PRKDC: variants seen among roughly 807,000 people sequenced by gnomAD.
PRKDC encodes protein kinase, DNA-activated, catalytic subunit, also known as DNA-dependent protein kinase catalytic subunit.
A neutral mutation model predicts 486.9 loss-of-function variants in PRKDC; 82 were observed. The observed-to-expected ratio is 0.17, with a 90% CI of 0.14 to 0.20. The LOEUF is 0.20. PRKDC is among the 10% of genes least tolerant of loss of function. PRKDC has a pLI of 1.00. For missense variants in PRKDC, 4,504 were observed against 5,038.2 expected, an observed-to-expected ratio of 0.89 and a Z score of 3.21; for synonymous variants, 1,895 against 1,837.0, an observed-to-expected ratio of 1.03 and a Z score of -0.81.
At chr8:47,957,698 T>C (rs1189978971) in intron 1 of PRKDC, among the ~76,000 whole-genome samples, 1 of 152,102 alleles carries the variant, frequency 6.6e-6, no homozygotes, top group Non-Finnish European at 1.5e-5. Flanking sequence ...GTATTTTTAG[T>C]AGAGACGGGG....
At chr8:47,894,684 C>T (rs1472914722) in intron 30 of PRKDC, among the ~76,000 whole-genome samples, 5 of 152,312 alleles carry the variant, frequency 3.3e-5, no homozygotes, top group Non-Finnish European at 5.9e-5. Context: ...AACCCTGCAC[C>T]TGTCGTCAAG....
chr8:47,933,862 T>A, intron 15 of PRKDC, 103 bp downstream of exon 15: 2 of 1,272,726 alleles, frequency 1.6e-6, no homozygotes, highest in Non-Finnish European at 2.1e-6. Context: ...TTTAAACTTT[T>A]GAAAGTTAGT....
chr8:47,887,814 T>C (rs2089370525), intron 34 of PRKDC, 109 bp from the exon 35 acceptor site: 8 of 1,126,022 alleles, frequency 7.1e-6, no homozygotes, highest in Non-Finnish European at 9.8e-6. Flanking sequence ...CACTGACAAC[T>C]ACCTTCCAAT....
chr8:47,927,886 G>A lies in PRKDC; in HGVS notation c.2144C>T (p.Ala715Val). Residue 715 changes from alanine (A) to valine (V), a missense_variant, in exon 20 of 86, where the codon GCA becomes GTA. Coordinates refer to ENST00000314191, the MANE Select transcript of PRKDC (RefSeq NM_006904.7). ...ALFVKFGKEV[A>V]VKMKQYKDEL... ...ATCTTTGTACTGCTTCATTTTAACT[G>A]CCACCTTAACAAGAAAGAAGACAGT... is the stretch of plus-strand genomic sequence containing the variant. 6.4e-7 allele frequency: 1 copy of A among 1,562,182 alleles called. No homozygotes were observed. Among genetic ancestry groups the A allele is most frequent in the Non-Finnish European group, 8.6e-7 (1 of 1,157,226 alleles).
intron 54 of PRKDC, among the ~76,000 whole-genome samples, chr8:47,843,073 G>T (rs1471840872): frequency 2.0e-5 from 3 of 152,178 alleles, no homozygotes; most frequent in African/African-American, 7.2e-5. Flanking sequence ...ACTGAGATGG[G>T]AGGATCACCT....
At position 47,782,021 on chromosome 8, in the gene PRKDC, C is replaced by G. The variant is rs1454523030; in HGVS notation, c.11489+141G>C. 2 of 642,438 alleles carry G rather than the reference C, an allele frequency of 3.1e-6. No individual in the cohort carries two copies. The highest frequency in any genetic ancestry group is 3.7e-5 in the African/African-American group (2 of 54,722). 39.8% of individuals were successfully genotyped at this position (642,438 alleles called of 1,614,324 possible). A position where few individuals can be genotyped will look rare whatever the true frequency, so the allele number is the denominator to read the frequency against. ...CAACTACTGGTTAGCAGCCAGCACT[C>G]CATTTGGTTTATTGACCCAGCCAGC... On this transcript the variant is annotated intron_variant, in intron 80 of 85. Coordinates refer to ENST00000314191, the MANE Select transcript of PRKDC (RefSeq NM_006904.7). The surrounding 1 kb of genome is among the most constrained non-coding windows in gnomAD (Gnocchi z 4.9).
intron 46 of PRKDC, among the ~76,000 whole-genome samples, chr8:47,859,376 G>T (rs758219021): frequency 2.0e-5 from 3 of 152,154 alleles, no homozygotes; most frequent in Admixed American, 6.5e-5. Context: ...TCAGGTCAGA[G>T]CATCTTTGCT....
chr8:47,803,856 T>C (rs921465839), intron 69 of PRKDC, among the ~76,000 whole-genome samples: 3 of 150,206 alleles, frequency 2.0e-5, no homozygotes, highest in Non-Finnish European at 2.9e-5. Context: ...ACTAAGGTAG[T>C]AGGATCACTT....
At chr8:47,959,926 T>A (rs1005295466) in intron 1 of PRKDC, 47 bp downstream of exon 1, 2 of 1,515,626 alleles carry the variant, frequency 1.3e-6, no homozygotes, top group African/African-American at 1.4e-5. Flanking sequence ...CCAGAACGAC[T>A]CGGGAAGCCA....
intron 54 of PRKDC, among the ~76,000 whole-genome samples, chr8:47,844,608 C>T (rs1011085052): frequency 1.3e-5 from 2 of 152,120 alleles, no homozygotes; most frequent in Admixed American, 6.5e-5. Flanking sequence ...GCACATGGAA[C>T]ATACTCTAAG....
chr8:47,884,380 G>A (rs1589764532), intron 36 of PRKDC, among the ~76,000 whole-genome samples: 1 of 152,180 alleles, frequency 6.6e-6, no homozygotes. Flanking sequence ...GCATCACCTC[G>A]CTGCTATCTC....
chr8:47,864,908 A>G, intron 40 of PRKDC, 145 bp from the exon 41 acceptor site: 1 of 654,868 alleles, frequency 1.5e-6, no homozygotes, highest in South Asian at 3.6e-5. Context: ...AAAATCCACA[A>G]AACACAAAAA....
chr8:47,817,029 T>C (rs753624079), intron 68 of PRKDC, among the ~76,000 whole-genome samples: 89 of 152,154 alleles, frequency 5.8e-4, no homozygotes, highest in Non-Finnish European at 1.1e-3. Flanking sequence ...CCTGGGAAAG[T>C]GACACATGAC....
intron 40 of PRKDC, among the ~76,000 whole-genome samples, chr8:47,875,758 A>C (rs558603842): frequency 6.6e-6 from 1 of 152,324 alleles, no homozygotes; most frequent in South Asian, 2.1e-4. Flanking sequence ...TTCACTTTGG[A>C]CAGAGAACAT....
At chr8:47,913,867 T>A in intron 24 of PRKDC, 34 bp downstream of exon 24, 1 of 1,561,752 alleles carries the variant, frequency 6.4e-7, no homozygotes, top group Non-Finnish European at 8.7e-7. Context: ...AGCAATAGGA[T>A]CTAAATAATG....
Position 47,929,198 on chromosome 8 carries a change from G to A in PRKDC, c.2053-20C>T. 1 of 1,483,844 alleles carries A rather than the reference G, an allele frequency of 6.7e-7. No homozygotes were observed. The highest frequency in any genetic ancestry group is 2.4e-5 in the East Asian group (1 of 41,680). The allele number at this position is 1,483,844 out of a possible 1,614,324, so 91.9% of individuals were successfully genotyped here. A position where few individuals can be genotyped will look rare whatever the true frequency, so the allele number is the denominator to read the frequency against. On this transcript the variant is annotated intron_variant, in intron 18 of 85. Coordinates refer to ENST00000314191, the MANE Select transcript of PRKDC (RefSeq NM_006904.7). ...AACTCCCTGTCAAATAAAACAGCAAGTTAGTACACTGAACAAGAATCGGGA... is the reference window on the plus strand; with the variant it reads ...AACTCCCTGTCAAATAAAACAGCAAATTAGTACACTGAACAAGAATCGGGA...
rs1309447072 is a variant in PRKDC, at chr8:47,786,738, T to TTC, written c.10903-1422_10903-1421insGA. On this transcript the variant is annotated intron_variant, in intron 76 of 85. Transcript: ENST00000314191. ...ATTATTTAATCTTTTTTTTTTTTTTTTTTTTTTTTGAGACAGAGTCTTGCT... is the reference window on the plus strand; with the variant it reads ...ATTATTTAATCTTTTTTTTTTTTTTTTCTTTTTTTTTGAGACAGAGTCTTGCT... Among the ~76,000 whole-genome samples, 166 of 135,488 alleles carry TTC rather than the reference T, an allele frequency of 1.2e-3. 3 individuals are homozygous for TTC. The highest frequency in any genetic ancestry group is 1.3e-3 in the Non-Finnish European group (85 of 63,158). 88.9% of individuals were successfully genotyped at this position (135,488 alleles called of 152,430 possible).
intron 26 of PRKDC, 66 bp from the exon 27 acceptor site, chr8:47,902,861 G>A: frequency 1.6e-6 from 2 of 1,253,936 alleles, no homozygotes; most frequent in Non-Finnish European, 2.2e-6. Flanking sequence ...GAATACCCTT[G>A]GTCTATCTCT....
intron 60 of PRKDC, 38 bp downstream of exon 60, chr8:47,831,776 C>T (rs1451162400): frequency 6.3e-7 from 1 of 1,593,498 alleles, no homozygotes; most frequent in South Asian, 1.1e-5. Flanking sequence ...GTGACAGAAA[C>T]TGCATCGTTC....
Sources: gnomAD v4.1 joint callset for allele counts (sites outside exome capture counted in the v4.1 genomes callset) on GRCh38, gnomAD v4.1.1 for gene constraint, Gnocchi (gnomAD v3.1) non-coding constraint, MANE v1.5 for transcripts, NCBI Gene and HGNC (gene_info 2026-07-23, HGNC 2026-07-21) for gene names.